Variants in XIRP2 observed in about 807,000 individuals in gnomAD.
XIRP2 encodes xin actin-binding repeat-containing protein 2.
Under a neutral mutation model 277.0 loss-of-function variants are expected in XIRP2, and 236 were observed. That is an observed-to-expected ratio of 0.85 (90% CI 0.77 to 0.95). The LOEUF (loss-of-function observed/expected upper bound fraction) is 0.95, where lower values mean the gene tolerates loss of function less well. XIRP2 is among the 40% of genes least tolerant of loss of function. XIRP2 has a pLI of 0.00. For missense variants in XIRP2, 4,640 were observed against 4,157.5 expected (o/e 1.12, Z -3.19); for synonymous variants, 1,490 against 1,416.5 (o/e 1.05, Z -1.17).
At chr2:167,053,419 T>G (rs1324343502) in intron 2 of XIRP2, among the ~76,000 whole-genome samples, 1 of 152,160 alleles carries the variant, frequency 6.6e-6, no homozygotes, top group Non-Finnish European at 1.5e-5. Flanking sequence ...CTTCCCTTCT[T>G]GATATGTTTT....
intron 4 of XIRP2, 63 bp from the exon 5 acceptor site, chr2:167,218,103 G>A: frequency 7.5e-7 from 1 of 1,328,976 alleles, no homozygotes; most frequent in South Asian, 2.4e-5. Flanking sequence ...TTTTAAAATA[G>A]CTTCAGAATC....
intron 3 of XIRP2, among the ~76,000 whole-genome samples, chr2:167,173,370 G>T (rs1692750977): frequency 6.6e-6 from 1 of 152,138 alleles, no homozygotes; most frequent in South Asian, 2.1e-4. Flanking sequence ...AAACAAGTGA[G>T]AACATGCGGA....
intron 2 of XIRP2, among the ~76,000 whole-genome samples, chr2:167,049,917 C>G (rs756507825): frequency 6.6e-6 from 1 of 151,968 alleles, no homozygotes; most frequent in Non-Finnish European, 1.5e-5. Flanking sequence ...GCTTTAGCTA[C>G]GGCTGCTATT....
rs770107977 is a variant in XIRP2 at position 167,244,295 on chromosome 2, T to C, written c.2903T>C (p.Val968Ala). 2 of 1,613,708 alleles carry C rather than the reference T, an allele frequency of 1.2e-6. No individual in the cohort carries two copies. The highest frequency in any genetic ancestry group is 1.1e-5 in the South Asian group (1 of 91,054). ...IKFDASHKIE[V>A]EGVTRGAVEL... is the part of the protein sequence containing the mutation. ...TTTGATGCATCACATAAAATAGAGG[T>C]GGAAGGAGTTACAAGAGGTGCTGTA... Residue 968 changes from valine (V) to alanine (A), a missense_variant, in exon 9 of 11, where the codon GTG becomes GCG. Coordinates refer to ENST00000409195, the MANE Select transcript of XIRP2 (RefSeq NM_152381.6).
chr2:167,029,448 A>G (rs922563069), intron 2 of XIRP2, among the ~76,000 whole-genome samples: 1 of 152,106 alleles, frequency 6.6e-6, no homozygotes, highest in South Asian at 2.1e-4. Flanking sequence ...CCTTTTCTGC[A>G]TCTATTGAGA....
chr2:167,113,909 G>T (rs1174954996), intron 2 of XIRP2, among the ~76,000 whole-genome samples: 1 of 152,104 alleles, frequency 6.6e-6, no homozygotes, highest in Non-Finnish European at 1.5e-5. Context: ...GCTTCGTTTG[G>T]CTGGGTATGA....
At chr2:166,981,270 G>A (rs1160543794) in intron 2 of XIRP2, among the ~76,000 whole-genome samples, 1 of 152,106 alleles carries the variant, frequency 6.6e-6, no homozygotes, top group Non-Finnish European at 1.5e-5. Context: ...CTTTAGAAAA[G>A]AATCCTTCTT....
chr2:166,936,934 T>C (rs1401215479), intron 2 of XIRP2, among the ~76,000 whole-genome samples: 1 of 152,208 alleles, frequency 6.6e-6, no homozygotes, highest in East Asian at 1.9e-4. Flanking sequence ...AAGTAGTTTT[T>C]TCCAATTCTG....
intron 1 of XIRP2, among the ~76,000 whole-genome samples, chr2:166,894,948 A>G (rs1320428526): frequency 3.3e-5 from 5 of 152,202 alleles, no homozygotes; most frequent in Non-Finnish European, 7.3e-5. Flanking sequence ...TATGCTGAGA[A>G]CAGAAGGATA....
At chr2:166,939,734 A>G (rs900760957) in intron 2 of XIRP2, among the ~76,000 whole-genome samples, 1 of 151,706 alleles carries the variant, frequency 6.6e-6, no homozygotes, top group African/African-American at 2.4e-5. Context: ...CAAAAAAAAA[A>G]CAAAGAAAAT....
At chr2:166,894,877 A>G (rs1008773003) in intron 1 of XIRP2, among the ~76,000 whole-genome samples, 4 of 152,208 alleles carry the variant, frequency 2.6e-5, no homozygotes, top group Non-Finnish European at 4.4e-5. Context: ...TGAGGGTGCT[A>G]AAATAGTGAG....
At chr2:167,116,710 A>C (rs897768189) in intron 2 of XIRP2, among the ~76,000 whole-genome samples, 1 of 152,060 alleles carries the variant, frequency 6.6e-6, no homozygotes, top group African/African-American at 2.4e-5. Flanking sequence ...GTATTAGTTA[A>C]TGTAATGTTT....
intron 3 of XIRP2, among the ~76,000 whole-genome samples, chr2:167,143,571 C>T (rs1691788164): frequency 6.6e-6 from 1 of 152,088 alleles, no homozygotes; most frequent in Non-Finnish European, 1.5e-5. Flanking sequence ...TCTTTATAGA[C>T]CCTTGAGCTG....
Position 167,243,220 on chromosome 2 carries a change from G to C in XIRP2, c.1828G>C (p.Ala610Pro). The C allele has an allele frequency of 6.2e-7, 1 of 1,614,096 alleles. No individual in the cohort carries two copies. Among genetic ancestry groups the C allele is most frequent in the East Asian group, 2.2e-5 (1 of 44,850 alleles). Residue 610 changes from alanine (A) to proline (P), a missense_variant, in exon 9 of 11, where the codon GCT becomes CCT. By Grantham distance (27) the Ala-to-Pro change is conservative. Coordinates refer to ENST00000409195, the MANE Select transcript of XIRP2 (RefSeq NM_152381.6). ...SRGIADQEII[A>P]GGDVKYTTWM... ...GGGCATTGCTGATCAAGAAATCATTGCTGGTGGTGATGTGAAATATACCAC... is the reference window on the plus strand; with the variant it reads ...GGGCATTGCTGATCAAGAAATCATTCCTGGTGGTGATGTGAAATATACCAC...
chr2:167,093,456 C>T (rs536667646), intron 2 of XIRP2, among the ~76,000 whole-genome samples: 38 of 152,098 alleles, frequency 2.5e-4, no homozygotes, highest in African/African-American at 8.7e-4. Context: ...TCCTAATGCT[C>T]TCCCTCCCTT....
rs200905188 is a variant in XIRP2 at position 167,249,950 on chromosome 2, T to C, written c.8558T>C (p.Val2853Ala). 23 of 1,613,408 alleles carry C rather than the reference T, an allele frequency of 1.4e-5. No homozygotes were observed. The highest frequency in any genetic ancestry group is 3.3e-4 in the Middle Eastern group (2 of 6,080). Residue 2853 changes from valine to alanine, a missense_variant, in exon 9 of 11, where the codon GTC becomes GCC. Val to Ala is a moderately conservative substitution (Grantham distance 64). Transcript: ENST00000409195. ...HLKNKSAPKV[V>A]KQKVIDAHLD... ...AAGAATAAATCAGCACCAAAGGTCG[T>C]CAAGCAAAAGGTTATCGATGCACAT...
chr2:167,189,397 C>G (rs1017912045), intron 3 of XIRP2, among the ~76,000 whole-genome samples: 3 of 152,182 alleles, frequency 2.0e-5, no homozygotes, highest in Admixed American at 6.5e-5. Flanking sequence ...AAGTGCCCAG[C>G]AGTGTAATTC....
chr2:167,233,554 A>G (rs1177308804), intron 5 of XIRP2, among the ~76,000 whole-genome samples: 2 of 151,734 alleles, frequency 1.3e-5, no homozygotes, highest in Non-Finnish European at 3.0e-5. Context: ...TCATTTAAAT[A>G]ACAATAGATA....
intron 2 of XIRP2, among the ~76,000 whole-genome samples, chr2:167,028,892 A>G (rs987017331): frequency 6.6e-6 from 1 of 151,730 alleles, no homozygotes; most frequent in African/African-American, 2.4e-5. Flanking sequence ...AGTCAAGCGG[A>G]CATTCTGAAG....
Sources: gnomAD v4.1 joint callset for allele counts (sites outside exome capture counted in the v4.1 genomes callset) on GRCh38, gnomAD v4.1.1 for gene constraint, MANE v1.5 for transcripts, NCBI Gene and HGNC (gene_info 2026-07-23, HGNC 2026-07-21) for gene names.